Variants in TAS2R1 observed in about 807,000 individuals in gnomAD.
The protein encoded by TAS2R1 is taste 2 receptor member 1.
For missense variants in TAS2R1, 370 were observed against 353.4 expected (o/e 1.05, Z -0.38); for synonymous variants, 141 against 134.2 (o/e 1.05, Z -0.35).
At chr5:9,699,916 G>A (rs1005555809) in intron 1 of TAS2R1, among the ~76,000 whole-genome samples, 1 of 151,876 alleles carries the variant, frequency 6.6e-6, no homozygotes, top group Non-Finnish European at 1.5e-5. Flanking sequence ...TCAGCCCAAG[G>A]AAGAATCACA....
the TAS2R1 span, among the ~76,000 whole-genome samples, chr5:9,895,901 G>A: frequency 2.6e-5 from 4 of 152,322 alleles, no homozygotes; most frequent in Middle Eastern, 3.4e-3. Context: ...TGATATGAAC[G>A]CATCTGAATT....
At position 9,630,188 on chromosome 5, in the gene TAS2R1, G is replaced by A; in HGVS notation, c.-156C>T. Reference sequence around the variant, plus strand: ...AGGAAGGTGGTGTACATTTGTTTATGTCACTGCTTTCTCTATTTAGTTCTG... The same window carrying A: ...AGGAAGGTGGTGTACATTTGTTTATATCACTGCTTTCTCTATTTAGTTCTG... On this transcript the variant is annotated 5_prime_UTR_variant, in exon 1 of 1. Transcript: ENST00000382492. The A allele has an allele frequency of 3.6e-6, 2 of 557,212 alleles. No individual in the cohort carries two copies. Among genetic ancestry groups the A allele is most frequent in the Non-Finnish European group, 3.1e-6 (1 of 325,914 alleles). 34.5% of individuals were successfully genotyped at this position (557,212 alleles called of 1,614,324 possible).
upstream of TAS2R1, chr5:9,713,224 AAATG>A (rs1230661958): frequency 6.6e-6 from 1 of 152,188 alleles, no homozygotes; most frequent in Non-Finnish European, 1.5e-5. Flanking sequence ...TTATTCTGTC[AAATG>A]AATGAATAAA....
intron 1 of TAS2R1, among the ~76,000 whole-genome samples, chr5:9,693,430 A>C (rs2126519510): frequency 6.9e-6 from 1 of 145,288 alleles, no homozygotes; most frequent in African/African-American, 2.5e-5. Flanking sequence ...AAGCTGAGGG[A>C]GGAGAATCGC....
chr5:9,852,570 G>T, the TAS2R1 span, among the ~76,000 whole-genome samples: 1 of 152,214 alleles, frequency 6.6e-6, no homozygotes, highest in Non-Finnish European at 1.5e-5. Flanking sequence ...TAAGGAGGAA[G>T]ATAATTTGGA....
At chr5:9,790,065 T>G in the TAS2R1 span, among the ~76,000 whole-genome samples, 2 of 152,180 alleles carry the variant, frequency 1.3e-5, no homozygotes, top group Non-Finnish European at 2.9e-5. Flanking sequence ...GGCACAACAT[T>G]ATCAGGATGT....
the TAS2R1 span, among the ~76,000 whole-genome samples, chr5:9,888,881 C>A: frequency 6.6e-6 from 1 of 152,154 alleles, no homozygotes; most frequent in East Asian, 1.9e-4. Context: ...CAGATGGCAT[C>A]TTCCAGGAAG....
At chr5:9,855,452 TCA>T in the TAS2R1 span, among the ~76,000 whole-genome samples, 2 of 152,202 alleles carry the variant, frequency 1.3e-5, no homozygotes, top group Non-Finnish European at 2.9e-5. Context: ...CTCTCCATCC[TCA>T]GTCATGCAGG....
chr5:9,798,570 A>G, the TAS2R1 span, among the ~76,000 whole-genome samples: 1 of 152,148 alleles, frequency 6.6e-6, no homozygotes, highest in Non-Finnish European at 1.5e-5. Context: ...TTCCTCCTGG[A>G]CTCAGTTTCC....
the TAS2R1 span, among the ~76,000 whole-genome samples, chr5:9,762,017 A>C: frequency 1.3e-5 from 2 of 152,158 alleles, no homozygotes; most frequent in Admixed American, 6.5e-5. Context: ...TGCACCACCC[A>C]CCATCACTTC....
the TAS2R1 span, among the ~76,000 whole-genome samples, chr5:9,818,629 C>G: frequency 6.6e-6 from 1 of 152,184 alleles, no homozygotes; most frequent in Non-Finnish European, 1.5e-5. Context: ...TCATCCAGCA[C>G]AGCATGCTTC....
intron 2 of TAS2R1, among the ~76,000 whole-genome samples, chr5:9,654,427 T>C (rs891358205): frequency 1.3e-5 from 2 of 152,090 alleles, no homozygotes; most frequent in African/African-American, 4.8e-5. Flanking sequence ...TAATCCTGAA[T>C]TCCATGCAAG....
chr5:9,716,902 T>C (rs1054041680), upstream of TAS2R1, among the ~76,000 whole-genome samples: 2 of 152,092 alleles, frequency 1.3e-5, no homozygotes, highest in African/African-American at 4.8e-5. Context: ...ATACGATCGA[T>C]ACGGAAGACA....
upstream of TAS2R1, among the ~76,000 whole-genome samples, chr5:9,713,394 A>G (rs1328870456): frequency 6.6e-6 from 1 of 152,150 alleles, no homozygotes; most frequent in African/African-American, 2.4e-5. Context: ...GGCTTCTGGC[A>G]AAGCTTTTTC....
chr5:9,683,014 G>A (rs558142830), intron 1 of TAS2R1, among the ~76,000 whole-genome samples: 39 of 152,138 alleles, frequency 2.6e-4, no homozygotes, highest in Non-Finnish European at 4.4e-4. Context: ...AGCCAGGGAC[G>A]TAAAAAGATC....
At chr5:9,852,009 A>C in the TAS2R1 span, among the ~76,000 whole-genome samples, 872 of 152,330 alleles carry the variant, frequency 5.7e-3, 4 homozygotes, top group African/African-American at 0.018. Flanking sequence ...ATAAGAGAGA[A>C]GAGAAGAAGA....
chr5:9,686,198 CCT>C (rs947807101), intron 1 of TAS2R1, among the ~76,000 whole-genome samples: 4 of 152,106 alleles, frequency 2.6e-5, no homozygotes, highest in Admixed American at 2.6e-4. Context: ...ATCGGATGAC[CCT>C]GTTACACAAG....
chr5:9,669,155 A>G lies in TAS2R1; in HGVS notation c.-241-9574T>C, dbSNP rs188056946. Among the ~76,000 whole-genome samples the G allele has an allele frequency of 1.2e-3, 180 of 152,348 alleles. 2 individuals carry two copies. The highest frequency in any genetic ancestry group is 4.0e-3 in the African/African-American group (167 of 41,592). ...GCAGAGTTTAAATCAGCAATAATCAAAAAAGACAAAGAGGGGAATGACAGA... is the reference window on the plus strand; with the variant it reads ...GCAGAGTTTAAATCAGCAATAATCAGAAAAGACAAAGAGGGGAATGACAGA... On this transcript the variant is annotated intron_variant, in intron 1 of 2. Coordinates refer to the TAS2R1 transcript ENST00000506620.
chr5:9,880,999 A>G, the TAS2R1 span, among the ~76,000 whole-genome samples: 1 of 152,044 alleles, frequency 6.6e-6, no homozygotes, highest in African/African-American at 2.4e-5. Flanking sequence ...GGGGAGGAGG[A>G]GGAGCCACAG....
Sources: allele counts gnomAD v4.1 joint callset (sites outside exome capture counted in the v4.1 genomes callset), GRCh38; gene constraint gnomAD v4.1.1; transcripts MANE v1.5; gene names NCBI Gene and HGNC (gene_info 2026-07-23, HGNC 2026-07-21).